The following ZNF514 variants were observed in gnomAD, a reference collection of about 807,000 sequenced individuals.
ZNF514 encodes the protein zinc finger protein 514.
A neutral mutation model predicts 9.7 loss-of-function variants in ZNF514; 12 were observed. The ratio of observed to expected loss-of-function variants is 1.24; its 90% CI spans 0.79 to 2.01. The LOEUF (loss-of-function observed/expected upper bound fraction) is 2.01. Ranked by LOEUF, ZNF514 falls within the 30% of genes most tolerant of loss-of-function variation. The pLI is 0.00. For missense variants in ZNF514, 467 were observed against 465.5 expected (o/e 1.00, Z -0.03); for synonymous variants, 158 against 163.7 (o/e 0.97, Z 0.27).
the ZNF514 span, among the ~76,000 whole-genome samples, chr2:95,125,746 ATGT>A: frequency 2.8e-4 from 43 of 152,294 alleles, no homozygotes; most frequent in South Asian, 8.9e-3. Flanking sequence ...TTCACTTAGC[ATGT>A]TGTTCTCAAG....
chr2:95,152,663 C>A lies in ZNF514; in HGVS notation c.217+11G>T. On this transcript the variant is annotated intron_variant, in intron 4 of 4. Transcript: ENST00000295208. The stretch of plus-strand genomic sequence containing the variant: ...CCTTATCATATGCAATGCTTTCACT[C>A]ACTCACTCACCTGAGTGGGCTCCTG... 1.9e-6 allele frequency: 3 copies of A among 1,612,546 alleles called. No individual in the cohort carries two copies. Among genetic ancestry groups the A allele is most frequent in the South Asian group, 1.1e-5 (1 of 91,042 alleles).
At chr2:95,150,677 G>A (rs1404027236) in intron 4 of ZNF514, among the ~76,000 whole-genome samples, 3 of 152,204 alleles carry the variant, frequency 2.0e-5, no homozygotes, top group Non-Finnish European at 4.4e-5. Context: ...CTACATAATT[G>A]TAACAGAATT....
At chr2:95,130,958 T>C in the ZNF514 span, among the ~76,000 whole-genome samples, 1 of 152,222 alleles carries the variant, frequency 6.6e-6, no homozygotes, top group East Asian at 1.9e-4. Flanking sequence ...GAGACTGCAG[T>C]AAAGACAGGC....
Position 95,149,782 on chromosome 2 carries a change from T to G in ZNF514, c.703A>C (p.Ser235Arg), listed in dbSNP as rs1673478525. 1.2e-6 allele frequency: 2 copies of G among 1,614,128 alleles called. No homozygotes were observed. The highest frequency in any genetic ancestry group is 1.7e-6 in the Non-Finnish European group (2 of 1,180,046). Residue 235 changes from serine to arginine, a missense_variant, in exon 5 of 5, where the codon AGT (serine) becomes CGT (arginine). Coordinates refer to ENST00000295208, the MANE Select transcript of ZNF514 (RefSeq NM_032788.3). ...TGACCAAAGGCTCTTCCACAGTCAC[T>G]GCATTCATACGGCTTTTCTCCAGTG... ...CHTGEKPYEC[S>R]DCGRAFGHIS...
At chr2:95,125,041 A>G in the ZNF514 span, among the ~76,000 whole-genome samples, 1 of 148,694 alleles carries the variant, frequency 6.7e-6, no homozygotes, top group Non-Finnish European at 1.5e-5. Flanking sequence ...CACCATGCCC[A>G]GCTAATTTTT....
At chr2:95,144,901 C>T (rs971136532), downstream of ZNF514, among the ~76,000 whole-genome samples, 24 of 152,084 alleles carry the variant, frequency 1.6e-4, no homozygotes, top group African/African-American at 5.3e-4. Flanking sequence ...CACTGAATTT[C>T]TATGTAACCA....
At position 95,149,488 on chromosome 2, in the gene ZNF514, C is replaced by A; in HGVS notation, c.997G>T (p.Val333Leu). ...RTFSQSSSLIVHYRFHTGEKP... is the reference protein window; with the variant it reads ...RTFSQSSSLILHYRFHTGEKP... ...TCTCCAGTATGAAATCTGTAATGCA[C>A]AATGAGTGATGAGCTCTGGCTGAAG... Residue 333 changes from valine to leucine, a missense_variant, in exon 5 of 5, where the codon GTG (valine) becomes TTG (leucine). By Grantham distance (32) the Val-to-Leu change is conservative. Coordinates refer to ENST00000295208, the MANE Select transcript of ZNF514 (RefSeq NM_032788.3). 1 of 1,613,550 alleles carries A rather than the reference C, an allele frequency of 6.2e-7. No homozygotes were observed. Among genetic ancestry groups the A allele is most frequent in the Admixed American group, 1.7e-5 (1 of 59,962 alleles).
At chr2:95,142,132 C>A (rs1573370834), downstream of ZNF514, among the ~76,000 whole-genome samples, 2 of 152,220 alleles carry the variant, frequency 1.3e-5, no homozygotes, top group East Asian at 3.9e-4. Flanking sequence ...CATTCTAATG[C>A]CATTCTTACA....
chr2:95,139,105 A>G, the ZNF514 span, among the ~76,000 whole-genome samples: 1 of 152,256 alleles, frequency 6.6e-6, no homozygotes, highest in Admixed American at 6.5e-5. Context: ...GCAAGAGTGA[A>G]GAATGCTTGT....
chr2:95,146,277 T>TA lies in ZNF514; in HGVS notation c.*3004dup, dbSNP rs1172967067. On this transcript the variant is annotated 3_prime_UTR_variant, in exon 5 of 5. Transcript: ENST00000295208. ...TTATTTAAATAGATCAAGACAGTGATACGATTTACCACAAGTCTAGATATT... is the reference window on the plus strand; with the variant it reads ...TTATTTAAATAGATCAAGACAGTGATAACGATTTACCACAAGTCTAGATATT... 6.6e-6 allele frequency among the ~76,000 whole-genome samples: 1 copy of TA among 152,224 alleles called. No individual in the cohort carries two copies. The highest frequency in any genetic ancestry group is 1.5e-5 in the Non-Finnish European group (1 of 68,046).
the ZNF514 span, among the ~76,000 whole-genome samples, chr2:95,135,233 T>A: frequency 6.6e-6 from 1 of 152,064 alleles, no homozygotes; most frequent in Non-Finnish European, 1.5e-5. Context: ...ACGTGAGATG[T>A]TTTTTCATTT....
rs1673365242 is a variant in ZNF514 at position 95,146,573 on chromosome 2, C to G, written c.*2709G>C. ...CAATGGAGGCTTCTGTCAGGAGCAG[C>G]AGGAGGTTGGAGCAGCCTAAAGAGG... On this transcript the variant is annotated 3_prime_UTR_variant, in exon 5 of 5. Transcript: ENST00000295208. Among the ~76,000 whole-genome samples the G allele has an allele frequency of 6.6e-6, 1 of 150,596 alleles. No homozygotes were observed. Among genetic ancestry groups the G allele is most frequent in the African/African-American group, 2.5e-5 (1 of 40,790 alleles).
downstream of ZNF514, among the ~76,000 whole-genome samples, chr2:95,144,690 A>G (rs1345028630): frequency 6.6e-6 from 1 of 152,194 alleles, no homozygotes; most frequent in African/African-American, 2.4e-5. Flanking sequence ...TACATTCTAG[A>G]AAGTTATCAA....
At chr2:95,152,633 C>T (rs1673573820) in intron 4 of ZNF514, 41 bp downstream of exon 4, 6 of 1,566,618 alleles carry the variant, frequency 3.8e-6, no homozygotes, top group African/African-American at 1.4e-5. Flanking sequence ...CCCACCCCAG[C>T]TGGGCCTTAT....
rs1673497282 is a variant in ZNF514 at position 95,150,191 on chromosome 2, T to C, written c.294A>G (p.Val98=). 1 of 1,607,526 alleles carries C rather than the reference T, an allele frequency of 6.2e-7. No homozygotes were observed. The highest frequency in any genetic ancestry group is 8.5e-7 in the Non-Finnish European group (1 of 1,179,816). ...CATCTTGAATGTGTTTTTCCACTGA[T>C]ACTACCTGGAATAATTCTTCTTTGG... ...GISKEELFQV[V]SVEKHIQDVL... The change falls in exon 5 of 5, where the codon GTA becomes GTG. Residue 98 remains valine, a synonymous_variant. Transcript: ENST00000295208.
At chr2:95,133,734 G>T in the ZNF514 span, among the ~76,000 whole-genome samples, 2 of 152,162 alleles carry the variant, frequency 1.3e-5, no homozygotes, top group Admixed American at 1.3e-4. Context: ...AGAGATTAAA[G>T]TCTACAGGAG....
the ZNF514 span, among the ~76,000 whole-genome samples, chr2:95,126,005 G>A: frequency 6.6e-6 from 1 of 152,148 alleles, no homozygotes; most frequent in East Asian, 1.9e-4. Flanking sequence ...GTGGCTATAA[G>A]TTTTAATTTG....
the ZNF514 span, among the ~76,000 whole-genome samples, chr2:95,126,652 G>A: frequency 6.6e-6 from 1 of 152,096 alleles, no homozygotes; most frequent in Non-Finnish European, 1.5e-5. Context: ...ATTGCCATCT[G>A]TATACCCTCT....
chr2:95,134,133 A>G, the ZNF514 span, among the ~76,000 whole-genome samples: 1 of 152,036 alleles, frequency 6.6e-6, no homozygotes. Context: ...ATCTTGGCCA[A>G]ATTTTTTTAT....
Sources: gnomAD v4.1 joint callset for allele counts (sites outside exome capture counted in the v4.1 genomes callset) on GRCh38, gnomAD v4.1.1 for gene constraint, MANE v1.5 for transcripts, NCBI Gene and HGNC (gene_info 2026-07-23, HGNC 2026-07-21) for gene names.